SFMBT1: variants seen among roughly 807,000 people sequenced by gnomAD.
SFMBT1 encodes scm-like with four MBT domains protein 1.
SFMBT1 carries 32 observed loss-of-function variants against 108.7 expected under a neutral mutation model. The observed-to-expected ratio is 0.29, with a 90% CI of 0.22 to 0.40. The LOEUF (loss-of-function observed/expected upper bound fraction) is 0.40. Ranked by LOEUF, SFMBT1 falls within the 10% of genes least tolerant of loss-of-function variation. The pLI, the probability that SFMBT1 is intolerant of heterozygous loss-of-function variation, is 1.00. For missense variants in SFMBT1, 816 were observed against 1,059.6 expected (o/e 0.77, Z 3.19); for synonymous variants, 348 against 369.5 (o/e 0.94, Z 0.67).
intron 1 of SFMBT1, among the ~76,000 whole-genome samples, chr3:53,044,670 C>G (rs926500956): frequency 1.3e-5 from 2 of 152,234 alleles, no homozygotes; most frequent in African/African-American, 4.8e-5. Context: ...CAAGAGAAGA[C>G]ATACGCAGGG....
At chr3:52,959,879 T>C (rs1050872453) in intron 2 of SFMBT1, among the ~76,000 whole-genome samples, 4 of 152,084 alleles carry the variant, frequency 2.6e-5, no homozygotes, top group African/African-American at 9.7e-5. Context: ...TTGTTGTTCA[T>C]TGACGTATTC....
intron 1 of SFMBT1, among the ~76,000 whole-genome samples, chr3:53,028,007 T>G (rs1179658444): frequency 6.6e-6 from 1 of 152,236 alleles, no homozygotes; most frequent in African/African-American, 2.4e-5. Flanking sequence ...CTTGCCAGGT[T>G]ACCCCATTGT....
At chr3:52,950,931 T>C (rs928091225) in intron 3 of SFMBT1, among the ~76,000 whole-genome samples, 1 of 151,514 alleles carries the variant, frequency 6.6e-6, no homozygotes, top group Admixed American at 6.6e-5. Context: ...CTGGGCAACA[T>C]AGCAAGACCC....
intron 1 of SFMBT1, among the ~76,000 whole-genome samples, chr3:52,986,235 T>A (rs1704911553): frequency 6.6e-6 from 1 of 151,714 alleles, no homozygotes; most frequent in African/African-American, 2.4e-5. Context: ...TTGTTCTGGG[T>A]GAGTCAGTCA....
At position 52,999,431 on chromosome 3, in the gene SFMBT1, G is replaced by T. The variant is rs956633389; in HGVS notation, c.-130-30173C>A. Among the ~76,000 whole-genome samples the T allele has an allele frequency of 2.7e-5, 4 of 150,470 alleles. 1 individual carries two copies. Among genetic ancestry groups the T allele is most frequent in the African/African-American group, 9.7e-5 (4 of 41,324 alleles). ...GCCCTGCATTCCAGGGTGGGGCAGG[G>T]AGGCTGGATTCTGAGAGAGCTGCTT... On this transcript the variant is annotated intron_variant, in intron 1 of 20. Coordinates refer to ENST00000394752, the MANE Select transcript of SFMBT1 (RefSeq NM_016329.4).
chr3:53,010,537 T>C (rs1460331992), intron 1 of SFMBT1, among the ~76,000 whole-genome samples: 1 of 152,230 alleles, frequency 6.6e-6, no homozygotes, highest in Non-Finnish European at 1.5e-5. Flanking sequence ...ATTTTCTTAA[T>C]GTTCTTTACA....
chr3:52,930,285 C>A, intron 8 of SFMBT1, 44 bp downstream of exon 8: 1 of 1,214,676 alleles, frequency 8.2e-7, no homozygotes, highest in South Asian at 1.2e-5. Flanking sequence ...CTAAACCAGT[C>A]ACCTTGACAG....
At chr3:53,020,330 C>A (rs981454827) in intron 1 of SFMBT1, among the ~76,000 whole-genome samples, 2 of 151,986 alleles carry the variant, frequency 1.3e-5, no homozygotes, top group Non-Finnish European at 2.9e-5. Flanking sequence ...GCGGAGGTTG[C>A]AGCGAGCCAA....
intron 1 of SFMBT1, among the ~76,000 whole-genome samples, chr3:52,969,766 T>C (rs1196948902): frequency 6.6e-6 from 1 of 152,148 alleles, no homozygotes; most frequent in Non-Finnish European, 1.5e-5. Context: ...TAAAGAGAAT[T>C]CCTCCAAAAT....
chr3:53,023,279 C>T (rs1699374758), intron 1 of SFMBT1, among the ~76,000 whole-genome samples: 1 of 152,192 alleles, frequency 6.6e-6, no homozygotes, highest in African/African-American at 2.4e-5. Flanking sequence ...CACTTAATCA[C>T]ACTAAGAGAT....
intron 1 of SFMBT1, among the ~76,000 whole-genome samples, chr3:52,973,979 T>C (rs9846976): frequency 0.29 from 43,449 of 152,004 alleles, 6,509 homozygotes; most frequent in African/African-American, 0.36. Context: ...AAGATAAACA[T>C]TGATTAAGAT....
At chr3:52,996,176 A>G (rs938329965) in intron 1 of SFMBT1, among the ~76,000 whole-genome samples, 1 of 147,616 alleles carries the variant, frequency 6.8e-6, no homozygotes, top group Non-Finnish European at 1.5e-5. Flanking sequence ...ATATGGATTT[A>G]TATCAAAAAG....
chr3:53,030,283 G>A (rs1244601836), intron 1 of SFMBT1, among the ~76,000 whole-genome samples: 2 of 151,620 alleles, frequency 1.3e-5, no homozygotes, highest in Non-Finnish European at 2.9e-5. Context: ...ATATGGATGC[G>A]GAAATATATG....
intron 2 of SFMBT1, among the ~76,000 whole-genome samples, chr3:52,956,368 G>GA (rs1703784018): frequency 6.6e-6 from 1 of 152,108 alleles, no homozygotes; most frequent in African/African-American, 2.4e-5. Context: ...GCTGAGGCAG[G>GA]AGAATTGCTT....
At chr3:52,978,831 A>G (rs982938132) in intron 1 of SFMBT1, among the ~76,000 whole-genome samples, 13 of 152,350 alleles carry the variant, frequency 8.5e-5, no homozygotes, top group African/African-American at 3.1e-4. Context: ...CCTTGAAAAT[A>G]TTGTACATGA....
At chr3:53,040,125 T>A (rs1699990727) in intron 1 of SFMBT1, among the ~76,000 whole-genome samples, 1 of 152,176 alleles carries the variant, frequency 6.6e-6, no homozygotes. Flanking sequence ...TAGAAAAAAC[T>A]GAGAGACAGG....
intron 8 of SFMBT1, among the ~76,000 whole-genome samples, chr3:52,929,211 C>G (rs185029636): frequency 1.3e-5 from 2 of 152,120 alleles, no homozygotes; most frequent in African/African-American, 4.8e-5. Flanking sequence ...AAATCCTAGC[C>G]CAGTTTCAAA....
chr3:52,920,476 G>C (rs1702486068), intron 12 of SFMBT1, 61 bp downstream of exon 12: 2 of 1,228,888 alleles, frequency 1.6e-6, no homozygotes, highest in Non-Finnish European at 2.4e-6. Flanking sequence ...GTTTTAATTG[G>C]CAGCAGCCAC....
intron 1 of SFMBT1, among the ~76,000 whole-genome samples, chr3:52,971,310 C>T (rs965673174): frequency 2.0e-5 from 3 of 152,052 alleles, no homozygotes; most frequent in East Asian, 1.9e-4. Flanking sequence ...GCGTAGAAAA[C>T]GTTTTGATAA....
Sources: gnomAD v4.1 joint callset for allele counts (sites outside exome capture counted in the v4.1 genomes callset) on GRCh38, gnomAD v4.1.1 for gene constraint, MANE v1.5 for transcripts, NCBI Gene and HGNC (gene_info 2026-07-23, HGNC 2026-07-21) for gene names.